Variants in XIRP2 observed in about 807,000 individuals in gnomAD.
XIRP2 encodes xin actin binding repeat containing 2.
Under a neutral mutation model 277.0 loss-of-function variants are expected in XIRP2, and 236 were observed. The observed-to-expected ratio is 0.85, with a 90% confidence interval of 0.77 to 0.95. The LOEUF (loss-of-function observed/expected upper bound fraction) is 0.95, where lower values mean the gene tolerates loss of function less well. XIRP2 is among the 40% of genes least tolerant of loss of function. The probability of loss-of-function intolerance (pLI) is 0.00; values close to 1 mark genes in which losing one functional copy is unlikely to be tolerated. For synonymous variants in XIRP2, 1,490 were observed against 1,416.5 expected (o/e 1.05, Z -1.17); for missense variants, 4,640 against 4,157.5 (o/e 1.12, Z -3.19).
chr2:167,243,071 A>C lies in XIRP2; in HGVS notation c.1679A>C (p.Glu560Ala). 6.2e-7 allele frequency: 1 copy of C among 1,614,122 alleles called. No individual in the cohort carries two copies. The highest frequency in any genetic ancestry group is 8.5e-7 in the Non-Finnish European group (1 of 1,179,992). ...AGTTCTCAAAAAGATCTGAACTCAG[A>C]AAGAGAATACTTGGAATGGGATGAA... ...NDSSQKDLNS[E>A]REYLEWDEIL... Residue 560 changes from glutamate (E) to alanine (A), a missense_variant, in exon 9 of 11, where the codon GAA becomes GCA. Physicochemically the swap from Glu to Ala is moderately radical, Grantham distance 107. Transcript: ENST00000409195.
intron 2 of XIRP2, among the ~76,000 whole-genome samples, chr2:166,945,775 G>A (rs780465932): frequency 4.7e-5 from 7 of 147,542 alleles, no homozygotes; most frequent in East Asian, 2.0e-4. Context: ...GGGTTCAAGC[G>A]ATTCTCCTGC....
chr2:166,977,280 T>C (rs769428828), intron 2 of XIRP2, among the ~76,000 whole-genome samples: 1 of 152,164 alleles, frequency 6.6e-6, no homozygotes, highest in Non-Finnish European at 1.5e-5. Flanking sequence ...ATTTAGAAAA[T>C]TTTCAATTAT....
At chr2:167,226,018 G>C (rs1035058964) in intron 5 of XIRP2, among the ~76,000 whole-genome samples, 1 of 152,114 alleles carries the variant, frequency 6.6e-6, no homozygotes, top group Non-Finnish European at 1.5e-5. Context: ...GCACGAGCTG[G>C]TTGATGCAGA....
At chr2:167,110,538 G>A (rs974396625) in intron 2 of XIRP2, among the ~76,000 whole-genome samples, 1 of 152,084 alleles carries the variant, frequency 6.6e-6, no homozygotes, top group Non-Finnish European at 1.5e-5. Flanking sequence ...GTGTCTGTCT[G>A]TTTTTGTACC....
rs1007231998 is a variant in XIRP2, at chr2:167,076,598, G to C, written c.409-59311G>C. Among the ~76,000 whole-genome samples, 6 of 152,076 alleles carry C rather than the reference G, an allele frequency of 3.9e-5. No individual in the cohort carries two copies. In the East Asian group the frequency reaches 1.2e-3, roughly 29 times the overall value. On this transcript the variant is annotated intron_variant, in intron 2 of 10. Transcript: ENST00000409195. ...TATTCTTCCTTAATTACAGTTATAA[G>C]CTTTAGAGACATTCTTTCTTTGCTT...
intron 2 of XIRP2, among the ~76,000 whole-genome samples, chr2:166,919,000 A>G (rs1036635795): frequency 2.6e-5 from 4 of 152,106 alleles, no homozygotes; most frequent in African/African-American, 9.7e-5. Context: ...AAAATACTTA[A>G]CGTAATGTGC....
chr2:167,249,007 A>T lies in XIRP2; in HGVS notation c.7615A>T (p.Lys2539Ter), dbSNP rs1695379985. The change falls in exon 9 of 11, where the codon AAA (lysine) becomes TAA (stop). Residue 2539 changes from lysine (K) to a stop codon, truncating the protein, a stop_gained. Coordinates refer to ENST00000409195, the MANE Select transcript of XIRP2 (RefSeq NM_152381.6). LOFTEE classifies it high-confidence loss of function. Reference protein sequence around the residue: ...GQQNPKPYMRKFKTPLMIAEE... With the variant: ...GQQNPKPYMR The stretch of plus-strand genomic sequence containing the variant: ...ACAAAATCCAAAACCTTATATGAGA[A>T]AATTTAAGACACCTTTAATGATTGC... 1 of 1,611,078 alleles carries T rather than the reference A, an allele frequency of 6.2e-7. No homozygotes were observed. The highest frequency in any genetic ancestry group is 1.1e-5 in the South Asian group (1 of 90,402).
intron 2 of XIRP2, among the ~76,000 whole-genome samples, chr2:167,094,482 T>A (rs972075205): frequency 6.6e-6 from 1 of 152,232 alleles, no homozygotes; most frequent in Non-Finnish European, 1.5e-5. Flanking sequence ...CATCTTGAGT[T>A]AATTTTTGTA....
chr2:167,240,752 T>G lies in XIRP2; in HGVS notation c.1042+16T>G, dbSNP rs1322695651. 2 of 1,608,534 alleles carry G rather than the reference T, an allele frequency of 1.2e-6. No individual in the cohort carries two copies. The highest frequency in any genetic ancestry group is 1.7e-6 in the Non-Finnish European group (2 of 1,174,980). ...CAAGAAACTGGTAAGAGTCTGGTAT[T>G]ATTGGTTCCAATACTCCTTTCTCCT... is the stretch of plus-strand genomic sequence containing the variant. On this transcript the variant is annotated intron_variant, in intron 7 of 10. Coordinates refer to ENST00000409195, the MANE Select transcript of XIRP2 (RefSeq NM_152381.6).
At chr2:167,053,914 A>AT (rs1356341812) in intron 2 of XIRP2, among the ~76,000 whole-genome samples, 1 of 152,192 alleles carries the variant, frequency 6.6e-6, no homozygotes, top group African/African-American at 2.4e-5. Context: ...ATGCAAAAAA[A>AT]TTGTCACATT....
chr2:167,064,365 A>T (rs1394861004), intron 2 of XIRP2, among the ~76,000 whole-genome samples: 1 of 151,894 alleles, frequency 6.6e-6, no homozygotes, highest in East Asian at 1.9e-4. Flanking sequence ...TATGCCGCAT[A>T]AGAATTTTAT....
intron 2 of XIRP2, among the ~76,000 whole-genome samples, chr2:166,985,310 C>T (rs1320977656): frequency 1.3e-5 from 2 of 152,324 alleles, no homozygotes; most frequent in Non-Finnish European, 1.5e-5. Flanking sequence ...AAATAACTTG[C>T]AATCATGTGC....
rs932788511 is a variant in XIRP2, at chr2:167,144,073, A to G, written c.562+8011A>G. ...TTAATTATAAATTTTTAACTTTTAA[A>G]CCTAACTTCTTATTTCTTTTTAATG... On this transcript the variant is annotated intron_variant, in intron 3 of 10. Coordinates refer to ENST00000409195, the MANE Select transcript of XIRP2 (RefSeq NM_152381.6). Among the ~76,000 whole-genome samples, 12 of 152,144 alleles carry G rather than the reference A, an allele frequency of 7.9e-5. No homozygotes were observed. In the South Asian group the frequency reaches 2.5e-3, roughly 32 times the overall value.
chr2:167,246,309 A>G lies in XIRP2; in HGVS notation c.4917A>G (p.Gln1639=), dbSNP rs893963600. The change falls in exon 9 of 11, where the codon CAA becomes CAG. Residue 1639 remains glutamine, a synonymous_variant. Transcript: ENST00000409195. ...EKGNVNLTKT[Q]LLNRSTEFHA... is the part of the protein sequence containing the mutation. ...GAAATGTTAATTTGACTAAAACTCA[A>G]TTATTAAACAGATCAACTGAATTTC... 5.0e-6 allele frequency: 8 copies of G among 1,613,284 alleles called. No homozygotes were observed. The highest frequency in any genetic ancestry group is 1.7e-4 in the Middle Eastern group (1 of 6,056).
At chr2:167,252,518 AT>A (rs1439717323) in intron 9 of XIRP2, among the ~76,000 whole-genome samples, 1 of 151,898 alleles carries the variant, frequency 6.6e-6, no homozygotes, top group Non-Finnish European at 1.5e-5. Context: ...CTGATGCCAC[AT>A]TTTTTTCTAA....
At chr2:167,035,715 C>A (rs947102234) in intron 2 of XIRP2, among the ~76,000 whole-genome samples, 12 of 152,188 alleles carry the variant, frequency 7.9e-5, no homozygotes, top group African/African-American at 2.9e-4. Context: ...GCATAAGTAG[C>A]AAAGGGCATA....
chr2:167,098,979 C>T (rs765700646), intron 2 of XIRP2, among the ~76,000 whole-genome samples: 5 of 152,138 alleles, frequency 3.3e-5, no homozygotes, highest in African/African-American at 7.2e-5. Flanking sequence ...AGGTGTCTGT[C>T]GACCCCTGCT....
chr2:167,048,591 C>T (rs1558961272), intron 2 of XIRP2, among the ~76,000 whole-genome samples: 2 of 151,644 alleles, frequency 1.3e-5, no homozygotes, highest in Admixed American at 1.3e-4. Flanking sequence ...ATGCTATGTT[C>T]ATTCAAAGAA....
At chr2:167,191,185 CAAA>C (rs931552422) in intron 3 of XIRP2, among the ~76,000 whole-genome samples, 5 of 46,880 alleles carry the variant, frequency 1.1e-4, no homozygotes, top group Admixed American at 2.3e-4. Context: ...GACCCTGTCT[CAAA>C]AAAAAAAAAA....
Sources: gnomAD v4.1 joint callset for allele counts (sites outside exome capture counted in the v4.1 genomes callset) on GRCh38, gnomAD v4.1.1 for gene constraint, MANE v1.5 for transcripts, NCBI Gene and HGNC (gene_info 2026-07-23, HGNC 2026-07-21) for gene names.